The following DMXL2 variants were observed in gnomAD, a reference collection of about 807,000 sequenced individuals.
DMXL2 encodes the protein dmX-like protein 2.
Under a neutral mutation model 331.1 loss-of-function variants are expected in DMXL2, and 103 were observed. That is an observed-to-expected ratio of 0.31 (90% CI 0.27 to 0.37). DMXL2 has a LOEUF of 0.37. Ranked by LOEUF, DMXL2 falls within the 10% of genes least tolerant of loss-of-function variation. The pLI is 1.00. For missense variants in DMXL2, 3,171 were observed against 3,642.9 expected (o/e 0.87, Z 3.33); for synonymous variants, 1,281 against 1,252.1 (o/e 1.02, Z -0.49).
intron 39 of DMXL2, 109 bp from the exon 40 acceptor site, chr15:51,455,337 A>T: frequency 2.2e-6 from 2 of 906,634 alleles, no homozygotes; most frequent in South Asian, 2.9e-5. Context: ...TTCTGCCTCT[A>T]ACTATGTTTC....
intron 16 of DMXL2, among the ~76,000 whole-genome samples, chr15:51,505,453 C>T (rs1048336417): frequency 2.0e-5 from 3 of 152,224 alleles, no homozygotes; most frequent in Non-Finnish European, 2.9e-5. Context: ...CTATAAATCT[C>T]TTCAGAGCCA....
chr15:51,494,966 C>A, intron 19 of DMXL2, 58 bp downstream of exon 19: 1 of 1,218,262 alleles, frequency 8.2e-7, no homozygotes, highest in South Asian at 1.3e-5. Context: ...CATGATACAC[C>A]CCATCGCTCC....
chr15:51,530,974 A>G (rs759792401), intron 13 of DMXL2, among the ~76,000 whole-genome samples: 1 of 152,208 alleles, frequency 6.6e-6, no homozygotes, highest in African/African-American at 2.4e-5. Context: ...CAATCTACAG[A>G]TTCAATGCAA....
At chr15:51,517,657 G>T (rs1374418628) in intron 13 of DMXL2, among the ~76,000 whole-genome samples, 1 of 152,176 alleles carries the variant, frequency 6.6e-6, no homozygotes, top group Non-Finnish European at 1.5e-5. Flanking sequence ...CCTCACCCAT[G>T]TTCCAACCAG....
chr15:51,614,556 A>T (rs886467676), intron 1 of DMXL2, among the ~76,000 whole-genome samples: 1 of 152,212 alleles, frequency 6.6e-6, no homozygotes, highest in East Asian at 1.9e-4. Context: ...CTCTGCCTTC[A>T]TCGTATAAAA....
chr15:51,545,456 G>C (rs2048837734), intron 8 of DMXL2, 127 bp downstream of exon 8: 2 of 725,970 alleles, frequency 2.8e-6, no homozygotes, highest in South Asian at 5.2e-5. Flanking sequence ...AAGCATAAAT[G>C]AGAGTTTATT....
intron 1 of DMXL2, among the ~76,000 whole-genome samples, chr15:51,589,760 T>C (rs1163354791): frequency 2.6e-5 from 4 of 152,198 alleles, no homozygotes; most frequent in African/African-American, 9.6e-5. Flanking sequence ...CATCAAACCA[T>C]ACAACTTTTC....
intron 31 of DMXL2, 24 bp from the exon 32 acceptor site, chr15:51,464,900 T>C (rs1033836799): frequency 1.3e-6 from 2 of 1,552,484 alleles, no homozygotes; most frequent in Non-Finnish European, 1.8e-6. Flanking sequence ...GAATATGTTA[T>C]TTATTTTAAT....
chr15:51,559,774 A>G (rs1160112548), intron 6 of DMXL2, among the ~76,000 whole-genome samples: 1 of 152,164 alleles, frequency 6.6e-6, no homozygotes, highest in East Asian at 1.9e-4. Flanking sequence ...ACATCTACCA[A>G]ATTTACAAAA....
Position 51,535,587 on chromosome 15 carries a change from A to T in DMXL2, c.2436+76T>A. ...TTACTCCCTAAACAGCAACTAACAA[A>T]CACAGGTCCTAGACAAAGTCAAAAG... On this transcript the variant is annotated intron_variant, in intron 13 of 43. Coordinates refer to ENST00000560891, the MANE Select transcript of DMXL2 (RefSeq NM_001378457.1). 2.2e-6 allele frequency: 3 copies of T among 1,384,094 alleles called. No individual in the cohort carries two copies. The East Asian group carries it at 7.2e-5, about 33-fold the overall frequency. 85.7% of individuals were successfully genotyped at this position (1,384,094 alleles called of 1,614,324 possible).
At chr15:51,534,981 T>C (rs2048206289) in intron 13 of DMXL2, among the ~76,000 whole-genome samples, 1 of 152,162 alleles carries the variant, frequency 6.6e-6, no homozygotes, top group South Asian at 2.1e-4. Flanking sequence ...TACTTAACTT[T>C]TTATTAATAA....
intron 43 of DMXL2, 95 bp downstream of exon 43, chr15:51,450,034 A>T: frequency 8.5e-7 from 1 of 1,176,376 alleles, no homozygotes; most frequent in African/African-American, 1.5e-5. Flanking sequence ...GCCCAAGTGA[A>T]ATAAAGTGAA....
chr15:51,547,261 A>T lies in DMXL2; in HGVS notation c.715T>A (p.Ser239Thr). The part of the protein sequence containing the change: ...LAHPRAVTGF[S>T]WRKTSKYMPR... ...ATATACTTGCTAGTTTTGCGCCACG[A>T]AAAACCTGTCACAGCTCGGGGATGT... is the stretch of plus-strand genomic sequence containing the variant. The change falls in exon 7 of 44, where the codon TCG becomes ACG. Residue 239 changes from serine to threonine, a missense_variant. Physicochemically the swap from Ser to Thr is moderately conservative, Grantham distance 58. Transcript: ENST00000560891. The T allele has an allele frequency of 6.2e-7, 1 of 1,611,692 alleles. No homozygotes were observed. Among genetic ancestry groups the T allele is most frequent in the South Asian group, 1.1e-5 (1 of 90,662 alleles).
rs1189721156 is a variant in DMXL2 at position 51,618,406 on chromosome 15, G to A, written c.87+4053C>T. ...AACTGGTTGATCATTTTCAAGGTTT[G>A]GTGTTACCATAACTCTAGGACTGAA... On this transcript the variant is annotated intron_variant, in intron 1 of 43. Transcript: ENST00000560891. Among the ~76,000 whole-genome samples, 3 of 151,260 alleles carry A rather than the reference G, an allele frequency of 2.0e-5. No homozygotes were observed. In the East Asian group the frequency reaches 5.8e-4, roughly 29 times the overall value.
intron 16 of DMXL2, among the ~76,000 whole-genome samples, chr15:51,505,704 G>T (rs2046359297): frequency 6.6e-6 from 1 of 152,140 alleles, no homozygotes. Context: ...CCAATTCATG[G>T]CCCAGTTAGA....
intron 30 of DMXL2, among the ~76,000 whole-genome samples, 168 bp from the exon 31 acceptor site, chr15:51,465,819 A>G (rs1043900517): frequency 1.3e-5 from 2 of 152,244 alleles, no homozygotes; most frequent in African/African-American, 4.8e-5. Context: ...AATACAAAAA[A>G]CTTGCAATAC....
intron 1 of DMXL2, among the ~76,000 whole-genome samples, chr15:51,586,166 A>G (rs1473091139): frequency 1.3e-5 from 2 of 152,368 alleles, no homozygotes; most frequent in East Asian, 3.8e-4. Context: ...TTACAGCAAA[A>G]AAGTTTAACC....
chr15:51,469,241 CATG>C (rs778984375), intron 29 of DMXL2, among the ~76,000 whole-genome samples: 4 of 149,934 alleles, frequency 2.7e-5, no homozygotes, highest in African/African-American at 4.9e-5. Context: ...AATGAAATTT[CATG>C]ATGTTTGGAT....
In DMXL2 at chr15:51,488,605, T is replaced by C; in HGVS notation, c.4994A>G (p.Asp1665Gly). The C allele has an allele frequency of 1.9e-6, 3 of 1,613,116 alleles. No homozygotes were observed. The highest frequency in any genetic ancestry group is 2.5e-6 in the Non-Finnish European group (3 of 1,179,758). ...CATTGAAAGGTAGAATAGTGCAGCA[T>C]CTAAGGCATCATTGTTCCTTTGAAA... ...ASFQRNNDALDAALFYLSMKK... is the reference protein window; with the variant it reads ...ASFQRNNDALGAALFYLSMKK... The change falls in exon 21 of 44, where the codon GAT becomes GGT. Residue 1665 changes from aspartate to glycine, a missense_variant. This residue lies in a region of DMXL2 where 252 missense variants were observed against 387.4 expected (regional missense o/e 0.65). Coordinates refer to ENST00000560891, the MANE Select transcript of DMXL2 (RefSeq NM_001378457.1).
Sources: allele counts gnomAD v4.1 joint callset (sites outside exome capture counted in the v4.1 genomes callset), GRCh38; gene constraint gnomAD v4.1.1; regional missense constraint gnomAD v4.1.1; transcripts MANE v1.5; gene names NCBI Gene and HGNC (gene_info 2026-07-23, HGNC 2026-07-21).